The following APC2 variants were observed in gnomAD, a reference collection of about 807,000 sequenced individuals.
The protein encoded by APC2 is adenomatous polyposis coli protein 2.
A neutral mutation model predicts 72.5 loss-of-function variants in APC2; 41 were observed. The observed-to-expected ratio is 0.57, with a 90% CI of 0.44 to 0.73. APC2 has a LOEUF of 0.73. APC2 is among the 30% of genes least tolerant of loss of function. The probability of loss-of-function intolerance (pLI) is 0.00; values close to 1 mark genes in which losing one functional copy is unlikely to be tolerated. For missense variants in APC2, 3,729 were observed against 3,403.4 expected (o/e 1.10, Z -2.38); for synonymous variants, 1,898 against 1,612.0 (o/e 1.18, Z -4.25).
At chr19:1,449,431 G>A (rs752185759), upstream of APC2, among the ~76,000 whole-genome samples, 8 of 152,154 alleles carry the variant, frequency 5.3e-5, no homozygotes, top group Admixed American at 1.3e-4. Context: ...CCTTCGGTCC[G>A]TGAGGGTGAA....
chr19:1,467,576 G>A lies in APC2; in HGVS notation c.4275G>A (p.Arg1425=). Residue 1425 remains arginine (R), a synonymous_variant, in exon 15 of 15, where the codon AGG becomes AGA. Coordinates refer to ENST00000590469, the MANE Select transcript of APC2 (RefSeq NM_005883.3). ...ACCAGCCCGGGGGACCAGCGGGCAGGCAAAGACCCACCGGCCGCCCCACCT... is the reference window on the plus strand; with the variant it reads ...ACCAGCCCGGGGGACCAGCGGGCAGACAAAGACCCACCGGCCGCCCCACCT... The part of the protein sequence containing the change: ...PRDQPGGPAG[R]QRPTGRPTSA... 1.3e-6 allele frequency: 2 copies of A among 1,513,132 alleles called. No individual in the cohort carries two copies. The highest frequency in any genetic ancestry group is 1.8e-6 in the Non-Finnish European group (2 of 1,137,136). The allele number at this position is 1,513,132 out of a possible 1,614,324, so 93.7% of individuals were successfully genotyped here.
chr19:1,464,829 C>T (rs922751269), intron 14 of APC2, among the ~76,000 whole-genome samples: 2 of 151,594 alleles, frequency 1.3e-5, no homozygotes, highest in Non-Finnish European at 2.9e-5. Context: ...GAGAGGGTTT[C>T]ACCATGTTGG....
chr19:1,454,264 A>T (rs1016345236), intron 4 of APC2, among the ~76,000 whole-genome samples: 4 of 152,190 alleles, frequency 2.6e-5, no homozygotes, highest in African/African-American at 9.7e-5. Flanking sequence ...CTACCTTGTA[A>T]GCTGGAGGGA....
intron 10 of APC2, among the ~76,000 whole-genome samples, chr19:1,458,981 G>C (rs1406178616): frequency 6.6e-6 from 1 of 152,014 alleles, no homozygotes; most frequent in African/African-American, 2.4e-5. Context: ...ACCACGCCCG[G>C]CCACTTTACA....
Position 1,468,073 on chromosome 19 carries a change from C to T in APC2, c.4772C>T (p.Pro1591Leu), listed in dbSNP as rs1461331375. The T allele has an allele frequency of 1.3e-6, 2 of 1,560,968 alleles. No homozygotes were observed. The highest frequency in any genetic ancestry group is 1.4e-5 in the African/African-American group (1 of 71,210). Residue 1591 changes from proline to leucine, a missense_variant, in exon 15 of 15, where the codon CCC becomes CTC. Pro to Leu is a moderately conservative substitution (Grantham distance 98, BLOSUM62 -3). Transcript: ENST00000590469. The stretch of plus-strand genomic sequence containing the variant: ...GCCAGCTCCCTCAGCGAGCCCGAGC[C>T]CTCGGAGCCGCCGGCCGTCCATCCA... ...SSASSLSEPEPSEPPAVHPRG... is the reference protein window; with the variant it reads ...SSASSLSEPELSEPPAVHPRG...
At chr19:1,465,081 A>T (rs752063892) in intron 14 of APC2, 74 bp from the exon 15 acceptor site, 2 of 1,516,800 alleles carry the variant, frequency 1.3e-6, no homozygotes, top group Non-Finnish European at 1.8e-6. Context: ...TACCTGCCAC[A>T]TCTGGCCCCC....
At position 1,468,068 on chromosome 19, in the gene APC2, C is replaced by T. The variant is rs935601003; in HGVS notation, c.4767C>T (p.Pro1589=). Residue 1589 remains proline, a synonymous_variant, in exon 15 of 15, where the codon CCC becomes CCT. Transcript: ENST00000590469. ...CCTCCGCCAGCTCCCTCAGCGAGCC[C>T]GAGCCCTCGGAGCCGCCGGCCGTCC... The part of the protein sequence containing the change: ...LSSSASSLSE[P]EPSEPPAVHP... 3.2e-6 allele frequency: 5 copies of T among 1,566,828 alleles called. No individual in the cohort carries two copies. Among genetic ancestry groups the T allele is most frequent in the Non-Finnish European group, 4.3e-6 (5 of 1,166,146 alleles).
At chr19:1,450,876 CAGGACTTAGAAA>C (rs1427037440) in intron 1 of APC2, among the ~76,000 whole-genome samples, 1 of 152,130 alleles carries the variant, frequency 6.6e-6, no homozygotes, top group Non-Finnish European at 1.5e-5. Flanking sequence ...TGTGGGATGG[CAGGACTTAGAAA>C]AGGTGCTCTA....
Position 1,468,967 on chromosome 19 carries a change from A to G in APC2, c.5666A>G (p.Lys1889Arg). ...TSPASQPLPRKRPPVTQAAGA... is the reference protein window; with the variant it reads ...TSPASQPLPRRRPPVTQAAGA... Reference sequence around the variant, plus strand: ...CCCGCCTCCCAGCCCCTGCCCAGAAAGCGCCCCCCGGTCACCCAGGCTGCT... The same window carrying G: ...CCCGCCTCCCAGCCCCTGCCCAGAAGGCGCCCCCCGGTCACCCAGGCTGCT... The change falls in exon 15 of 15, where the codon AAG becomes AGG. Residue 1889 changes from lysine (K) to arginine (R), a missense_variant. By Grantham distance (26) the Lys-to-Arg change is conservative (BLOSUM62 2). Coordinates refer to ENST00000590469, the MANE Select transcript of APC2 (RefSeq NM_005883.3). 1.3e-6 allele frequency: 2 copies of G among 1,556,448 alleles called. No homozygotes were observed. The highest frequency in any genetic ancestry group is 1.8e-5 in the Admixed American group (1 of 54,678).
In APC2 at chr19:1,470,595, A is replaced by T. The variant is rs1473220384; in HGVS notation, c.*382A>T. 1.1e-5 allele frequency: 2 copies of T among 188,470 alleles called. No individual in the cohort carries two copies. The highest frequency in any genetic ancestry group is 2.2e-5 in the Non-Finnish European group (2 of 91,954). 11.7% of individuals were successfully genotyped at this position (188,470 alleles called of 1,614,324 possible). A position where few individuals can be genotyped will look rare whatever the true frequency, so the allele number is the denominator to read the frequency against. Reference sequence around the variant, plus strand: ...GGTCTGGGTCCGCTGCTTCGCAGGGACAGCGCTGGGGAGGTGACGGCGCCC... The same window carrying T: ...GGTCTGGGTCCGCTGCTTCGCAGGGTCAGCGCTGGGGAGGTGACGGCGCCC... On this transcript the variant is annotated 3_prime_UTR_variant, in exon 15 of 15. Coordinates refer to ENST00000590469, the MANE Select transcript of APC2 (RefSeq NM_005883.3).
In APC2 at chr19:1,469,027, C is replaced by T. The variant is rs1182769196; in HGVS notation, c.5726C>T (p.Pro1909Leu). 4 of 1,546,514 alleles carry T rather than the reference C, an allele frequency of 2.6e-6. No individual in the cohort carries two copies. Among genetic ancestry groups the T allele is most frequent in the Non-Finnish European group, 2.6e-6 (3 of 1,148,878 alleles). Residue 1909 changes from proline (P) to leucine (L), a missense_variant, in exon 15 of 15, where the codon CCC becomes CTC. Physicochemically the swap from Pro to Leu is moderately conservative, Grantham distance 98. Transcript: ENST00000590469. Reference sequence around the variant, plus strand: ...CCCGGCCCCGGAGCCTCCCCGGTGCCCAAAACGCCGGCGCGCACCCTTCTG... The same window carrying T: ...CCCGGCCCCGGAGCCTCCCCGGTGCTCAAAACGCCGGCGCGCACCCTTCTG... ...ALPGPGASPVPKTPARTLLAK... is the reference protein window; with the variant it reads ...ALPGPGASPVLKTPARTLLAK...
At chr19:1,446,347 G>A, upstream of APC2, 1 of 985,350 alleles carries the variant, frequency 1.0e-6, no homozygotes, top group African/African-American at 1.7e-5. The surrounding 1 kb of genome is among the most constrained non-coding windows in gnomAD (Gnocchi z 6.1). Flanking sequence ...ACCAGGTAGG[G>A]CGCGTGGGTC....
chr19:1,451,452 G>C (rs912548292), intron 1 of APC2: 2 of 152,498 alleles, frequency 1.3e-5, no homozygotes, highest in Non-Finnish European at 2.9e-5. Context: ...CCCCACTGGA[G>C]ACCTGAACAG....
chr19:1,457,011 G>T lies in APC2; in HGVS notation c.975G>T (p.Glu325Asp). Residue 325 changes from glutamate (E) to aspartate (D), a missense_variant, in exon 9 of 15, where the codon GAG becomes GAT. By Grantham distance (45) the Glu-to-Asp change is conservative. Transcript: ENST00000590469. ...PLLLQILHGT[E>D]AAAGGRAGAP... ...TGCTGCAAATCCTCCACGGCACCGA[G>T]GCCGCGGCCGGGGGTCGCGCCGGGG... 1 of 1,529,168 alleles carries T rather than the reference G, an allele frequency of 6.5e-7. No individual in the cohort carries two copies. The allele number at this position is 1,529,168 out of a possible 1,614,324, so 94.7% of individuals were successfully genotyped here.
chr19:1,457,689 C>A (rs2083857055), intron 9 of APC2: 2 of 546,470 alleles, frequency 3.7e-6, no homozygotes, highest in Non-Finnish European at 6.6e-6. Flanking sequence ...CAGAGCGAGA[C>A]CCTGTCTCGT....
In APC2 at chr19:1,453,059, G is replaced by T. The variant is rs1308405767; in HGVS notation, c.58G>T (p.Ala20Ser). 1 of 1,610,668 alleles carries T rather than the reference G, an allele frequency of 6.2e-7. No homozygotes were observed. Among genetic ancestry groups the T allele is most frequent in the Admixed American group, 1.7e-5 (1 of 59,856 alleles). The change falls in exon 2 of 15, where the codon GCT (alanine) becomes TCT (serine). Residue 20 changes from alanine to serine, a missense_variant. Coordinates refer to ENST00000590469, the MANE Select transcript of APC2 (RefSeq NM_005883.3). ...QLVRQVEALK[A>S]ENSHLRQELR... ...GGTGAGGCAGGTGGAGGCCTTGAAGGCTGAGAACAGCCACCTGAGGCAGGA... is the reference window on the plus strand; with the variant it reads ...GGTGAGGCAGGTGGAGGCCTTGAAGTCTGAGAACAGCCACCTGAGGCAGGA...
Position 1,469,591 on chromosome 19 carries a change from A to G in APC2, c.6290A>G (p.Lys2097Arg). The G allele has an allele frequency of 1.6e-6, 2 of 1,260,516 alleles. No homozygotes were observed. The highest frequency in any genetic ancestry group is 1.8e-5 in the South Asian group (1 of 54,196). The allele number at this position is 1,260,516 out of a possible 1,614,324, so 78.1% of individuals were successfully genotyped here. A position where few individuals can be genotyped will look rare whatever the true frequency, so the allele number is the denominator to read the frequency against. ...CCCGCCGCCCGGCCGGAGACTGTCAAGCGCTACGCGTCGCTGCCGCACATC... is the reference window on the plus strand; with the variant it reads ...CCCGCCGCCCGGCCGGAGACTGTCAGGCGCTACGCGTCGCTGCCGCACATC... ...RAPAARPETV[K>R]RYASLPHISV... The change falls in exon 15 of 15, where the codon AAG becomes AGG. Residue 2097 changes from lysine to arginine, a missense_variant. Lys to Arg is a conservative substitution (Grantham distance 26, BLOSUM62 2). Transcript: ENST00000590469.
At position 1,465,809 on chromosome 19, in the gene APC2, G is replaced by A. The variant is rs1279187691; in HGVS notation, c.2508G>A (p.Glu836=). 6.3e-7 allele frequency: 1 copy of A among 1,581,550 alleles called. No homozygotes were observed. The highest frequency in any genetic ancestry group is 2.3e-5 in the East Asian group (1 of 43,912). The change falls in exon 15 of 15, where the codon GAG becomes GAA. Residue 836 remains glutamate, a synonymous_variant. Coordinates refer to ENST00000590469, the MANE Select transcript of APC2 (RefSeq NM_005883.3). ...AGGCAGAGAAGGACACCAGTGGGGA[G>A]GCAGCCGTGGCGGCCAAGGCCAAGG... The part of the protein sequence containing the change: ...GKEAEKDTSG[E]AAVAAKAKAK...
chr19:1,460,955 ACT>A, intron 12 of APC2, 80 bp from the exon 13 acceptor site: 12 of 1,593,998 alleles, frequency 7.5e-6, no homozygotes, highest in Non-Finnish European at 1.0e-5. Flanking sequence ...GTCCCGTCCG[ACT>A]CTCTGCAGAC....
Sources: gnomAD v4.1 joint callset for allele counts (sites outside exome capture counted in the v4.1 genomes callset) on GRCh38, gnomAD v4.1.1 for gene constraint, Gnocchi (gnomAD v3.1) non-coding constraint, MANE v1.5 for transcripts, NCBI Gene and HGNC (gene_info 2026-07-23, HGNC 2026-07-21) for gene names.